SLC44A5: variants seen among roughly 807,000 people sequenced by gnomAD.
SLC44A5 encodes the protein solute carrier family 44 member 5, also known as choline transporter-like protein 5.
In SLC44A5, 57 loss-of-function variants were observed where a neutral mutation model predicts 101.8. That is an observed-to-expected ratio of 0.56 (90% confidence interval 0.45 to 0.70). The LOEUF (loss-of-function observed/expected upper bound fraction) is 0.70. Ranked by LOEUF, SLC44A5 falls within the 30% of genes least tolerant of loss-of-function variation. The probability of loss-of-function intolerance (pLI) is 0.00; values close to 1 mark genes in which losing one functional copy is unlikely to be tolerated. For synonymous variants in SLC44A5, 281 were observed against 290.9 expected, an observed-to-expected ratio of 0.97 and a Z score of 0.35; for missense variants, 737 against 853.1, an observed-to-expected ratio of 0.86 and a Z score of 1.70.
upstream of SLC44A5, among the ~76,000 whole-genome samples, chr1:75,611,433 C>T (rs766832736): frequency 6.6e-5 from 10 of 152,116 alleles, no homozygotes; most frequent in Non-Finnish European, 8.8e-5. Flanking sequence ...AGAAAATCAT[C>T]CAATATACCC....
chr1:75,360,581 A>G (rs11811008), intron 3 of SLC44A5, among the ~76,000 whole-genome samples: 29,855 of 152,026 alleles, frequency 0.2, 3,151 homozygotes, highest in Non-Finnish European at 0.24. Flanking sequence ...TTTCCCATTG[A>G]GTGTTCTTAG....
the SLC44A5 span, among the ~76,000 whole-genome samples, chr1:75,680,615 T>G: frequency 6.5e-3 from 986 of 151,308 alleles, 11 homozygotes; most frequent in Admixed American, 0.036. Context: ...CAAAGCAGTG[T>G]GTAGAGGGAA....
chr1:75,683,467 G>A, the SLC44A5 span, among the ~76,000 whole-genome samples: 12 of 152,056 alleles, frequency 7.9e-5, no homozygotes, highest in Non-Finnish European at 1.5e-4. Context: ...GGACATGGAT[G>A]AAATTGGAAA....
At chr1:75,255,445 C>CA (rs35118630) in intron 6 of SLC44A5, among the ~76,000 whole-genome samples, 104,640 of 148,492 alleles carry the variant, frequency 0.7, 37,169 homozygotes, top group East Asian at 0.93. Flanking sequence ...ATTGCCAAAA[C>CA]AAAAAAAAAT....
intron 1 of SLC44A5, among the ~76,000 whole-genome samples, chr1:75,599,799 GA>G (rs1557949438): frequency 6.6e-6 from 1 of 152,110 alleles, no homozygotes; most frequent in African/African-American, 2.4e-5. Flanking sequence ...AGTGTGGTCG[GA>G]TCATTAAGAA....
intron 2 of SLC44A5, among the ~76,000 whole-genome samples, chr1:75,513,082 T>C (rs1443173822): frequency 6.6e-6 from 1 of 152,176 alleles, no homozygotes. Context: ...TGTCATATGG[T>C]TAGTAAATAG....
At chr1:75,581,581 T>A (rs559639435) in intron 1 of SLC44A5, among the ~76,000 whole-genome samples, 1 of 152,234 alleles carries the variant, frequency 6.6e-6, no homozygotes, top group Admixed American at 6.5e-5. Flanking sequence ...AATAAGATGA[T>A]GTGGGAAAGG....
chr1:75,349,028 G>A (rs760321272), intron 3 of SLC44A5, among the ~76,000 whole-genome samples: 7 of 152,164 alleles, frequency 4.6e-5, no homozygotes, highest in Non-Finnish European at 7.3e-5. Context: ...ATGTAGCATA[G>A]AGAAATAAAG....
At chr1:75,598,879 C>A (rs1055119454) in intron 1 of SLC44A5, among the ~76,000 whole-genome samples, 7 of 152,138 alleles carry the variant, frequency 4.6e-5, no homozygotes, top group African/African-American at 1.7e-4. Context: ...CCCCATGACA[C>A]AAGTTCACCT....
At chr1:75,251,377 A>T (rs1281988443) in intron 6 of SLC44A5, 83 bp from the exon 7 acceptor site, 1 of 1,132,910 alleles carries the variant, frequency 8.8e-7, no homozygotes, top group Non-Finnish European at 1.3e-6. Context: ...TTTTATAAAT[A>T]ACCTTTAAAA....
At chr1:75,571,188 T>C (rs914073243) in intron 1 of SLC44A5, among the ~76,000 whole-genome samples, 3 of 152,118 alleles carry the variant, frequency 2.0e-5, no homozygotes, top group Non-Finnish European at 4.4e-5. Context: ...AGGAAAAATA[T>C]ATTATGAAAA....
intron 3 of SLC44A5, among the ~76,000 whole-genome samples, chr1:75,374,408 C>T (rs1173088210): frequency 6.6e-6 from 1 of 152,172 alleles, no homozygotes; most frequent in Admixed American, 6.5e-5. Context: ...GGTGACCTAA[C>T]ACTTGGCACA....
intron 2 of SLC44A5, among the ~76,000 whole-genome samples, chr1:75,431,398 A>G (rs1347346097): frequency 6.6e-6 from 1 of 152,218 alleles, no homozygotes; most frequent in East Asian, 1.9e-4. Context: ...TTATTGTGGC[A>G]TACTGTGTGT....
chr1:75,369,683 A>T (rs1035696690), intron 3 of SLC44A5, among the ~76,000 whole-genome samples: 8 of 152,180 alleles, frequency 5.3e-5, no homozygotes, highest in Non-Finnish European at 1.2e-4. Flanking sequence ...AAAATAAAAA[A>T]TCATAATTTA....
chr1:75,310,664 T>A (rs1175777314), intron 4 of SLC44A5, among the ~76,000 whole-genome samples: 1 of 152,178 alleles, frequency 6.6e-6, no homozygotes, highest in Non-Finnish European at 1.5e-5. Context: ...CCCATTCTAA[T>A]AATTTCAAGT....
At chr1:75,470,132 G>T (rs1667027026) in intron 2 of SLC44A5, among the ~76,000 whole-genome samples, 1 of 152,094 alleles carries the variant, frequency 6.6e-6, no homozygotes, top group South Asian at 2.1e-4. Context: ...ACCCTGGAAA[G>T]ATAAGAGCTT....
Position 75,492,421 on chromosome 1 carries a change from T to A in SLC44A5, c.13+49014A>T, listed in dbSNP as rs147344706. Reference sequence around the variant, plus strand: ...TATTTGCCCAGTGGCTATGACAATATCTGGCAAAAAGGAAGCACTCAATAA... The same window carrying A: ...TATTTGCCCAGTGGCTATGACAATAACTGGCAAAAAGGAAGCACTCAATAA... On this transcript the variant is annotated intron_variant, in intron 2 of 23. Coordinates refer to ENST00000370859, the MANE Select transcript of SLC44A5 (RefSeq NM_001130058.2). 8.1e-3 allele frequency among the ~76,000 whole-genome samples: 1,227 copies of A among 152,230 alleles called. 16 individuals are homozygous for A. The highest frequency in any genetic ancestry group is 0.039 in the South Asian group (188 of 4,820).
At chr1:75,518,366 AAAATT>A (rs1669944251) in intron 2 of SLC44A5, among the ~76,000 whole-genome samples, 1 of 152,202 alleles carries the variant, frequency 6.6e-6, no homozygotes, top group Non-Finnish European at 1.5e-5. Context: ...TTCTTTAGAG[AAAATT>A]AAATTAAGTC....
the SLC44A5 span, among the ~76,000 whole-genome samples, chr1:75,633,447 A>G: frequency 1.2e-4 from 19 of 152,092 alleles, no homozygotes; most frequent in African/African-American, 4.3e-4. Flanking sequence ...TCCCTTGTAA[A>G]GTGGATTCCT....
Sources: allele counts gnomAD v4.1 joint callset (sites outside exome capture counted in the v4.1 genomes callset), GRCh38; gene constraint gnomAD v4.1.1; transcripts MANE v1.5; gene names NCBI Gene and HGNC (gene_info 2026-07-23, HGNC 2026-07-21).